Variants in TRAPPC13 observed in about 807,000 individuals in gnomAD.
TRAPPC13 encodes the protein trafficking protein particle complex subunit 13, also known as REV7-interacting novel NHEJ regulator 1.
TRAPPC13 carries 39 observed loss-of-function variants against 54.0 expected under a neutral mutation model. The ratio of observed to expected loss-of-function variants is 0.72; its 90% confidence interval spans 0.56 to 0.94. The LOEUF is 0.94. Among genes scored for constraint, TRAPPC13 ranks in the 40% least tolerant of loss-of-function variants. TRAPPC13 has a pLI of 0.00. For synonymous variants in TRAPPC13, 148 were observed against 167.7 expected, an observed-to-expected ratio of 0.88 and a Z score of 0.91; for missense variants, 386 against 488.1, an observed-to-expected ratio of 0.79 and a Z score of 1.97.
chr5:65,655,083 A>T (rs748234006), intron 7 of TRAPPC13, among the ~76,000 whole-genome samples: 1 of 152,232 alleles, frequency 6.6e-6, no homozygotes, highest in Non-Finnish European at 1.5e-5. Context: ...TATAAGTTTT[A>T]AAAAGGCTAA....
intron 8 of TRAPPC13, 123 bp from the exon 9 acceptor site, chr5:65,658,245 T>C: frequency 1.1e-6 from 1 of 896,330 alleles, no homozygotes; most frequent in Non-Finnish European, 1.6e-6. Context: ...AACTTTGATT[T>C]GCAGGCATGA....
intron 5 of TRAPPC13, among the ~76,000 whole-genome samples, chr5:65,648,397 TGTCCC>T (rs1756291149): frequency 3.9e-5 from 1 of 25,440 alleles, no homozygotes; most frequent in African/African-American, 1.2e-4. Context: ...ATTGAGTGCC[TGTCCC>T]TGCCTTTCCC....
chr5:65,664,056 TC>T (rs750595039), intron 11 of TRAPPC13, 180 bp from the exon 12 acceptor site: 1 of 620,112 alleles, frequency 1.6e-6, no homozygotes, highest in Non-Finnish European at 2.7e-6. Context: ...AGGTGTGACT[TC>T]CTTTCATCTT....
At chr5:65,640,703 T>C (rs1478263406) in intron 4 of TRAPPC13, among the ~76,000 whole-genome samples, 4 of 152,198 alleles carry the variant, frequency 2.6e-5, no homozygotes, top group Non-Finnish European at 4.4e-5. Context: ...TCAGTAAATA[T>C]TGAATTTATT....
intron 9 of TRAPPC13, among the ~76,000 whole-genome samples, chr5:65,658,893 T>A (rs1223850098): frequency 6.6e-6 from 1 of 151,998 alleles, no homozygotes; most frequent in Non-Finnish European, 1.5e-5. Context: ...TTAATTTTTT[T>A]ATTTTTAGTA....
chr5:65,625,135 T>C, intron 1 of TRAPPC13, 29 bp downstream of exon 1: 1 of 1,599,254 alleles, frequency 6.3e-7, no homozygotes, highest in African/African-American at 1.3e-5. Context: ...GATTCCCCCT[T>C]TTCTGTTTCC....
chr5:65,647,279 C>G, intron 5 of TRAPPC13, 97 bp downstream of exon 5: 1 of 1,065,592 alleles, frequency 9.4e-7, no homozygotes, highest in East Asian at 2.9e-5. Context: ...AGCATAGGAA[C>G]CTACTTCAAA....
chr5:65,639,428 G>A (rs1029057227), intron 4 of TRAPPC13, among the ~76,000 whole-genome samples: 4 of 151,998 alleles, frequency 2.6e-5, no homozygotes, highest in Non-Finnish European at 4.4e-5. Flanking sequence ...GGGAGGCTGT[G>A]ACAGAAGGAT....
chr5:65,636,478 A>G (rs780913772), intron 3 of TRAPPC13, among the ~76,000 whole-genome samples: 2 of 152,092 alleles, frequency 1.3e-5, no homozygotes, highest in African/African-American at 2.4e-5. Context: ...TTATTAAAAA[A>G]TCATACTATG....
chr5:65,654,650 T>C (rs1455072680), intron 7 of TRAPPC13, among the ~76,000 whole-genome samples: 2 of 152,212 alleles, frequency 1.3e-5, no homozygotes, highest in African/African-American at 4.8e-5. Flanking sequence ...GTAGTCCTTT[T>C]ACAGTTAATA....
intron 5 of TRAPPC13, among the ~76,000 whole-genome samples, chr5:65,648,524 A>G (rs1263275832): frequency 6.6e-6 from 1 of 152,208 alleles, no homozygotes; most frequent in African/African-American, 2.4e-5. Context: ...TTTACAGAAA[A>G]TGAGACTTGT....
At chr5:65,636,208 A>G (rs1755741103) in intron 3 of TRAPPC13, among the ~76,000 whole-genome samples, 165 bp downstream of exon 3, 1 of 146,478 alleles carries the variant, frequency 6.8e-6, no homozygotes, top group South Asian at 2.1e-4. Context: ...CAGTGGTGCC[A>G]TTTGAGCTCA....
chr5:65,649,573 G>C (rs1756346077), intron 5 of TRAPPC13, among the ~76,000 whole-genome samples: 1 of 152,220 alleles, frequency 6.6e-6, no homozygotes, highest in East Asian at 1.9e-4. Context: ...CTGACTACTT[G>C]TGAGGCTGAA....
chr5:65,654,851 C>T (rs1756592918), intron 7 of TRAPPC13, among the ~76,000 whole-genome samples: 2 of 152,054 alleles, frequency 1.3e-5, no homozygotes, highest in African/African-American at 2.4e-5. Flanking sequence ...TGCCAGGTAC[C>T]GAAGATAAAT....
In TRAPPC13 at chr5:65,664,314, T is replaced by C; in HGVS notation, c.1076T>C (p.Leu359Pro). 4 of 1,613,976 alleles carry C rather than the reference T, an allele frequency of 2.5e-6. No homozygotes were observed. The highest frequency in any genetic ancestry group is 3.4e-6 in the Non-Finnish European group (4 of 1,179,872). ...TGGTGTGGAATTTCAGGAAGACAGC[T>C]GGGAAAGCTGCATCCAAGTTCTTCG... is the stretch of plus-strand genomic sequence containing the variant. ...IHWCGISGRQ[L>P]GKLHPSSSLC... The change falls in exon 12 of 13, where the codon CTG becomes CCG. Residue 359 changes from leucine (L) to proline (P), a missense_variant. Coordinates refer to ENST00000399438, the MANE Select transcript of TRAPPC13 (RefSeq NM_024941.4).
intron 7 of TRAPPC13, among the ~76,000 whole-genome samples, chr5:65,655,232 A>G (rs1373363354): frequency 6.6e-6 from 1 of 152,212 alleles, no homozygotes; most frequent in Non-Finnish European, 1.5e-5. Flanking sequence ...TAAATTTAAG[A>G]GAAGGTATAC....
In TRAPPC13 at chr5:65,664,804, T is replaced by C. The variant is rs1756979960; in HGVS notation, c.*193T>C. 1.0e-5 allele frequency: 6 copies of C among 584,558 alleles called. No homozygotes were observed. Among genetic ancestry groups the C allele is most frequent in the Non-Finnish European group, 1.8e-5 (6 of 334,834 alleles). 36.2% of individuals were successfully genotyped at this position (584,558 alleles called of 1,614,324 possible). A position where few individuals can be genotyped will look rare whatever the true frequency, so the allele number is the denominator to read the frequency against. Reference sequence around the variant, plus strand: ...TTGTAATTTATATTTGAAATGAACATGTGTATATTTTCTACACCTATTATT... The same window carrying C: ...TTGTAATTTATATTTGAAATGAACACGTGTATATTTTCTACACCTATTATT... On this transcript the variant is annotated 3_prime_UTR_variant, in exon 13 of 13. Coordinates refer to ENST00000399438, the MANE Select transcript of TRAPPC13 (RefSeq NM_024941.4).
chr5:65,640,371 T>A (rs1420961453), intron 4 of TRAPPC13, among the ~76,000 whole-genome samples: 1 of 152,184 alleles, frequency 6.6e-6, no homozygotes, highest in African/African-American at 2.4e-5. Flanking sequence ...GCACCGCCTC[T>A]ACAAACAAAC....
chr5:65,636,925 T>C (rs1755769972), intron 3 of TRAPPC13, among the ~76,000 whole-genome samples: 1 of 152,168 alleles, frequency 6.6e-6, no homozygotes, highest in African/African-American at 2.4e-5. Flanking sequence ...GTAAAAAGTA[T>C]AAAACTAAAA....
Sources: gnomAD v4.1 joint callset for allele counts (sites outside exome capture counted in the v4.1 genomes callset) on GRCh38, gnomAD v4.1.1 for gene constraint, MANE v1.5 for transcripts, NCBI Gene and HGNC (gene_info 2026-07-23, HGNC 2026-07-21) for gene names.